The following ESCO1 variants were observed in gnomAD, a reference collection of about 807,000 sequenced individuals.
The protein encoded by ESCO1 is establishment of sister chromatid cohesion N-acetyltransferase 1, also known as N-acetyltransferase ESCO1.
ESCO1 carries 33 observed loss-of-function variants against 83.5 expected under a neutral mutation model. The observed-to-expected ratio is 0.40, with a 90% CI of 0.30 to 0.53. The LOEUF is 0.53. Ranked by LOEUF, ESCO1 falls within the 20% of genes least tolerant of loss-of-function variation. The probability of loss-of-function intolerance (pLI) is 0.63; values close to 1 mark genes in which losing one functional copy is unlikely to be tolerated. For missense variants in ESCO1, 855 were observed against 968.0 expected (o/e 0.88, Z 1.55); for synonymous variants, 332 against 324.3 (o/e 1.02, Z -0.25).
intron 1 of ESCO1, among the ~76,000 whole-genome samples, chr18:21,591,488 C>T (rs1211310882): frequency 6.6e-6 from 1 of 152,166 alleles, no homozygotes; most frequent in African/African-American, 2.4e-5. Context: ...CATTTTTTAT[C>T]TTACACAAAA....
At chr18:21,551,116 A>G (rs1216728547) in intron 8 of ESCO1, among the ~76,000 whole-genome samples, 2 of 150,558 alleles carry the variant, frequency 1.3e-5, no homozygotes, top group African/African-American at 4.9e-5. Context: ...CTGTCTCAAA[A>G]AAAAAAAAAA....
intron 9 of ESCO1, among the ~76,000 whole-genome samples, chr18:21,538,530 T>C (rs1330927411): frequency 6.6e-6 from 1 of 152,310 alleles, no homozygotes; most frequent in East Asian, 1.9e-4. Flanking sequence ...AAAGCTTATT[T>C]GGGTATCTAA....
At chr18:21,560,760 C>T in intron 8 of ESCO1, 99 bp downstream of exon 8, 1 of 1,439,222 alleles carries the variant, frequency 6.9e-7, no homozygotes, top group South Asian at 1.4e-5. Context: ...CTCTTAAAAA[C>T]ATAAATTTTT....
At chr18:21,545,341 A>T (rs936601811) in intron 8 of ESCO1, among the ~76,000 whole-genome samples, 1 of 152,124 alleles carries the variant, frequency 6.6e-6, no homozygotes, top group African/African-American at 2.4e-5. Context: ...TGGGAGGCCA[A>T]GGTGGGAAGA....
chr18:21,543,000 C>T (rs1299854645), intron 8 of ESCO1, among the ~76,000 whole-genome samples: 1 of 152,190 alleles, frequency 6.6e-6, no homozygotes, highest in Non-Finnish European at 1.5e-5. Context: ...TTAGCTCCAA[C>T]ATATTTCAGG....
At chr18:21,593,253 AG>A (rs2038708655) in intron 1 of ESCO1, 1 of 174,680 alleles carries the variant, frequency 5.7e-6, no homozygotes, top group African/African-American at 2.4e-5. Context: ...TGGGAGGTGG[AG>A]GTTGTAGCGA....
intron 9 of ESCO1, among the ~76,000 whole-genome samples, chr18:21,536,731 G>A (rs1445973357): frequency 1.3e-5 from 2 of 152,142 alleles, no homozygotes; most frequent in African/African-American, 4.8e-5. Context: ...AAGAGGGATG[G>A]GGTGAGAGCT....
chr18:21,563,919 T>TTA (rs1555670722), intron 7 of ESCO1, among the ~76,000 whole-genome samples: 1 of 142,370 alleles, frequency 7.0e-6, no homozygotes, highest in Non-Finnish European at 1.5e-5. Flanking sequence ...TGAGCAGGGT[T>TTA]AAAAAAAAAA....
At chr18:21,537,168 T>TCAAA (rs1161406107) in intron 9 of ESCO1, among the ~76,000 whole-genome samples, 1 of 152,204 alleles carries the variant, frequency 6.6e-6, no homozygotes, top group African/African-American at 2.4e-5. Flanking sequence ...CTGACCAAAG[T>TCAAA]CAAACATGGT....
chr18:21,536,881 A>C (rs1023565708), intron 9 of ESCO1, among the ~76,000 whole-genome samples: 1 of 152,208 alleles, frequency 6.6e-6, no homozygotes, highest in Non-Finnish European at 1.5e-5. Context: ...TCGGTAAAAC[A>C]AAAGTGAGTA....
At chr18:21,592,389 C>G (rs1488373558) in intron 1 of ESCO1, among the ~76,000 whole-genome samples, 4 of 123,148 alleles carry the variant, frequency 3.2e-5, no homozygotes, top group African/African-American at 1.2e-4. Context: ...TGACCCCCCC[C>G]ACCTCCCTCC....
At chr18:21,572,656 A>G (rs138456962) in intron 4 of ESCO1, among the ~76,000 whole-genome samples, 1 of 152,292 alleles carries the variant, frequency 6.6e-6, no homozygotes, top group East Asian at 1.9e-4. Flanking sequence ...ATTAATTTTA[A>G]TATTTAGGTC....
intron 2 of ESCO1, among the ~76,000 whole-genome samples, chr18:21,580,704 T>C (rs976140740): frequency 1.3e-5 from 2 of 152,220 alleles, no homozygotes; most frequent in African/African-American, 4.8e-5. Flanking sequence ...AAAGAATTAC[T>C]ATTGGCCAGG....
At chr18:21,582,592 G>A (rs1412187490) in intron 2 of ESCO1, among the ~76,000 whole-genome samples, 1 of 152,152 alleles carries the variant, frequency 6.6e-6, no homozygotes, top group Non-Finnish European at 1.5e-5. Context: ...TCACAAAATT[G>A]AGAAGCCAAG....
intron 7 of ESCO1, among the ~76,000 whole-genome samples, chr18:21,563,512 T>A (rs2038217194): frequency 6.6e-6 from 1 of 152,050 alleles, no homozygotes; most frequent in Middle Eastern, 3.2e-3. Context: ...CACGCCTGGC[T>A]AATTTTTGCA....
intron 8 of ESCO1, among the ~76,000 whole-genome samples, chr18:21,543,113 T>C (rs894545784): frequency 1.3e-5 from 2 of 152,244 alleles, no homozygotes; most frequent in African/African-American, 2.4e-5. Flanking sequence ...GAAAACTTTA[T>C]ATTCCTAATT....
intron 6 of ESCO1, among the ~76,000 whole-genome samples, chr18:21,565,515 C>T (rs1407570621): frequency 6.6e-6 from 1 of 152,184 alleles, no homozygotes; most frequent in South Asian, 2.1e-4. Context: ...AGCAAAGATA[C>T]ATGTGTTTAA....
In ESCO1 at chr18:21,545,967, G is replaced by A. The variant is rs575596008; in HGVS notation, c.1954-5958C>T. Among the ~76,000 whole-genome samples, 3 of 152,210 alleles carry A rather than the reference G, an allele frequency of 2.0e-5. No individual in the cohort carries two copies. The East Asian group carries it at 5.8e-4, about 29-fold the overall frequency. On this transcript the variant is annotated intron_variant, in intron 8 of 11. Coordinates refer to ENST00000269214, the MANE Select transcript of ESCO1 (RefSeq NM_052911.3). ...AAACCCAATACTGGTAAAGATGTGT[G>A]TCTAATCCATATGGCCATATTGAAC...
chr18:21,588,033 G>C (rs2038606684), intron 1 of ESCO1, among the ~76,000 whole-genome samples: 1 of 150,870 alleles, frequency 6.6e-6, no homozygotes, highest in South Asian at 2.1e-4. Context: ...AGCCTAGACT[G>C]TGCTATGATC....
Sources: gnomAD v4.1 joint callset for allele counts (sites outside exome capture counted in the v4.1 genomes callset) on GRCh38, gnomAD v4.1.1 for gene constraint, MANE v1.5 for transcripts, NCBI Gene and HGNC (gene_info 2026-07-23, HGNC 2026-07-21) for gene names.